ARHGAP29: variants seen among roughly 807,000 people sequenced by gnomAD.
ARHGAP29 encodes the protein rho GTPase-activating protein 29.
Under a neutral mutation model 122.6 loss-of-function variants are expected in ARHGAP29, and 43 were observed. The observed-to-expected ratio is 0.35, with a 90% CI of 0.27 to 0.45. The LOEUF (loss-of-function observed/expected upper bound fraction) is 0.45, where lower values mean the gene tolerates loss of function less well. Ranked by LOEUF, ARHGAP29 falls within the 20% of genes least tolerant of loss-of-function variation. The probability of loss-of-function intolerance (pLI) is 1.00; values close to 1 mark genes in which losing one functional copy is unlikely to be tolerated. For missense variants in ARHGAP29, 1,303 were observed against 1,477.2 expected (o/e 0.88, Z 1.93); for synonymous variants, 506 against 497.1 (o/e 1.02, Z -0.24).
At chr1:94,174,854 T>A (rs1421463864) in intron 22 of ARHGAP29, 105 bp from the exon 23 acceptor site, 1 of 1,285,566 alleles carries the variant, frequency 7.8e-7, no homozygotes, top group East Asian at 2.3e-5. Flanking sequence ...GTCTTACATA[T>A]TTTTTCCAAA....
chr1:94,222,701 T>C (rs1431989053), intron 2 of ARHGAP29, among the ~76,000 whole-genome samples: 2 of 152,180 alleles, frequency 1.3e-5, no homozygotes, highest in Non-Finnish European at 2.9e-5. Context: ...GAAATCTGAA[T>C]ATAGACACTA....
chr1:94,275,218 C>G (rs1283048820), upstream of ARHGAP29: 1 of 152,232 alleles, frequency 6.6e-6, no homozygotes, highest in Non-Finnish European at 1.5e-5. Flanking sequence ...TGTTTGGAAA[C>G]TGCTGGCCGG....
rs1244581576 is a variant in ARHGAP29 at position 94,244,193 on chromosome 1, A to G, written c.-32-12550T>C. Among the ~76,000 whole-genome samples, 5 of 150,604 alleles carry G rather than the reference A, an allele frequency of 3.3e-5. No individual in the cohort carries two copies. The East Asian group carries it at 7.9e-4, about 24-fold the overall frequency. ...CATTACCCTGATACCAAAACCAGAC[A>G]AAGACATTACCAAAAAAAAAAACCA... is the stretch of plus-strand genomic sequence containing the variant. On this transcript the variant is annotated intron_variant and NMD_transcript_variant, in intron 1 of 25. Coordinates refer to the ARHGAP29 transcript ENST00000552844.
In ARHGAP29 at chr1:94,170,265, A is replaced by G. The variant is rs1648646169; in HGVS notation, c.*3604T>C. ...AAATTGACATTGTGTGCATCCTGGC[A>G]TGACACATTTGAGTATAGAGCATCA... On this transcript the variant is annotated 3_prime_UTR_variant, in exon 23 of 23. Coordinates refer to ENST00000260526, the MANE Select transcript of ARHGAP29 (RefSeq NM_004815.4). Among the ~76,000 whole-genome samples, 1 of 152,232 alleles carries G rather than the reference A, an allele frequency of 6.6e-6. No homozygotes were observed. Among genetic ancestry groups the G allele is most frequent in the Non-Finnish European group, 1.5e-5 (1 of 68,046 alleles).
chr1:94,314,097 A>T, the ARHGAP29 span, among the ~76,000 whole-genome samples: 1 of 152,370 alleles, frequency 6.6e-6, no homozygotes, highest in East Asian at 1.9e-4. Context: ...CACGTTGTGC[A>T]CATGTACCCT....
chr1:94,186,060 G>A (rs1649783227), intron 16 of ARHGAP29, among the ~76,000 whole-genome samples: 1 of 152,108 alleles, frequency 6.6e-6, no homozygotes, highest in South Asian at 2.1e-4. Context: ...AGTCGTTAAG[G>A]TAACTGATTT....
At chr1:94,271,096 C>T (rs1362347735) in intron 1 of ARHGAP29, among the ~76,000 whole-genome samples, 1 of 152,208 alleles carries the variant, frequency 6.6e-6, no homozygotes, top group East Asian at 1.9e-4. Context: ...TGAAACCAAG[C>T]TCTCTCATGT....
the ARHGAP29 span, among the ~76,000 whole-genome samples, chr1:94,286,324 G>T: frequency 2.0e-5 from 3 of 152,070 alleles, no homozygotes; most frequent in African/African-American, 7.2e-5. Flanking sequence ...ATATGAATTT[G>T]GGAAAGGCAA....
chr1:94,262,573 A>G (rs1654606646), intron 1 of ARHGAP29, among the ~76,000 whole-genome samples: 1 of 152,088 alleles, frequency 6.6e-6, no homozygotes, highest in South Asian at 2.1e-4. Flanking sequence ...CCAACAACCC[A>G]CTTAAAAAGT....
chr1:94,253,632 ACACACACG>A (rs1390114530), intron 1 of ARHGAP29, among the ~76,000 whole-genome samples: 5 of 126,858 alleles, frequency 3.9e-5, no homozygotes, highest in African/African-American at 8.7e-5. Flanking sequence ...GGCATCTGGA[ACACACACG>A]CACGCACGCA....
At chr1:94,210,106 G>A (rs910473223) in intron 3 of ARHGAP29, among the ~76,000 whole-genome samples, 6 of 152,044 alleles carry the variant, frequency 3.9e-5, no homozygotes, top group African/African-American at 9.7e-5. Flanking sequence ...GCCCAAACAC[G>A]GTTTACCAAG....
chr1:94,189,017 T>G, intron 14 of ARHGAP29, 76 bp from the exon 15 acceptor site: 1 of 1,449,848 alleles, frequency 6.9e-7, no homozygotes, highest in South Asian at 1.2e-5. Context: ...TTCTATCAAG[T>G]GAGACAATTC....
At chr1:94,201,116 A>G (rs1173548713) in intron 12 of ARHGAP29, among the ~76,000 whole-genome samples, 1 of 150,146 alleles carries the variant, frequency 6.7e-6, no homozygotes, top group East Asian at 2.0e-4. Context: ...CAATTTTAAT[A>G]TTTAATTTAC....
Position 94,202,696 on chromosome 1 carries a change from A to G in ARHGAP29, c.991T>C (p.Leu331=), listed in dbSNP as rs745701862. The G allele has an allele frequency of 6.2e-7, 1 of 1,614,020 alleles. No homozygotes were observed. Among genetic ancestry groups the G allele is most frequent in the Non-Finnish European group, 8.5e-7 (1 of 1,180,024 alleles). Residue 331 remains leucine, a synonymous_variant, in exon 11 of 23, where the codon TTA becomes CTA. Coordinates refer to ENST00000260526, the MANE Select transcript of ARHGAP29 (RefSeq NM_004815.4). ...TATTCATCTTGACGTTGCATGCATAATAATTTTGCCTTTTTGAGAGCATTC... is the reference window on the plus strand; with the variant it reads ...TATTCATCTTGACGTTGCATGCATAGTAATTTTGCCTTTTTGAGAGCATTC... ...AENALKKAKL[L]CMQRQDEYEK... is the part of the protein sequence containing the mutation.
intron 12 of ARHGAP29, chr1:94,191,148 A>T (rs1414958909): frequency 6.6e-6 from 1 of 152,234 alleles, no homozygotes; most frequent in Non-Finnish European, 1.5e-5. Flanking sequence ...AGCTAAAAAA[A>T]GAAGTAGTCA....
chr1:94,296,834 G>A, the ARHGAP29 span, among the ~76,000 whole-genome samples: 15 of 152,218 alleles, frequency 9.9e-5, no homozygotes, highest in African/African-American at 3.6e-4. Flanking sequence ...CAAATTGGAA[G>A]AGATTGAGAT....
intron 1 of ARHGAP29, among the ~76,000 whole-genome samples, chr1:94,244,801 A>G (rs562872863): frequency 9.2e-5 from 14 of 152,290 alleles, no homozygotes; most frequent in Non-Finnish European, 1.5e-4. Flanking sequence ...CTGCTCTTTG[A>G]GAGACAGTGT....
rs770959605 is a variant in ARHGAP29, at chr1:94,185,459, A to C, written c.1803T>G (p.Phe601Leu). 1 of 1,609,380 alleles carries C rather than the reference A, an allele frequency of 6.2e-7. No individual in the cohort carries two copies. Among genetic ancestry groups the C allele is most frequent in the South Asian group, 1.1e-5 (1 of 89,638 alleles). The change falls in exon 17 of 23, where the codon TTT becomes TTG. Residue 601 changes from phenylalanine to leucine, a missense_variant. This residue lies in a region of ARHGAP29 where 91 missense variants were observed against 177.8 expected (regional missense o/e 0.51). Transcript: ENST00000260526. ...SETGPNSLGT[F>L]KKTLMSKAAL... The stretch of plus-strand genomic sequence containing the variant: ...CTGCCTTTGACATCAATGTTTTCTT[A>C]AATGTTCCAAGGGAATTGGGTCCTT...
chr1:94,249,448 C>T (rs1653990906), intron 1 of ARHGAP29: 1 of 152,204 alleles, frequency 6.6e-6, no homozygotes, highest in Non-Finnish European at 1.5e-5. Context: ...TTTCTGTTCG[C>T]TCCAGTGAAA....
Sources: gnomAD v4.1 joint callset for allele counts (sites outside exome capture counted in the v4.1 genomes callset) on GRCh38, gnomAD v4.1.1 for gene constraint, gnomAD v4.1.1 regional missense constraint, MANE v1.5 for transcripts, NCBI Gene and HGNC (gene_info 2026-07-23, HGNC 2026-07-21) for gene names.